The following ZNF444 variants were observed in gnomAD, a reference collection of about 807,000 sequenced individuals.
ZNF444 encodes the protein endothelial zinc finger protein 2.
ZNF444 carries 8 observed loss-of-function variants against 14.4 expected under a neutral mutation model. That is an observed-to-expected ratio of 0.56 (90% CI 0.33 to 1.00). ZNF444 has a LOEUF of 1.00. ZNF444 is among the 50% of genes least tolerant of loss of function. ZNF444 has a pLI of 0.03. For synonymous variants in ZNF444, 258 were observed against 235.9 expected (o/e 1.09, Z -0.86); for missense variants, 510 against 504.8 (o/e 1.01, Z -0.10).
Position 56,147,576 on chromosome 19 carries a change from C to G in ZNF444, c.297+368C>G, listed in dbSNP as rs1352639058. On this transcript the variant is annotated intron_variant, in intron 3 of 4. Coordinates refer to ENST00000337080, the MANE Select transcript of ZNF444 (RefSeq NM_018337.4). The surrounding 1 kb of genome is among the most constrained non-coding windows in gnomAD (Gnocchi z 5.9). ...CCTCTCCCCGCACCCCGCCCGCACG[C>G]AGGGGGTCTTGCCGGCCAGGAATTC... Among the ~76,000 whole-genome samples the G allele has an allele frequency of 6.6e-6, 1 of 152,168 alleles. No individual in the cohort carries two copies. The highest frequency in any genetic ancestry group is 2.4e-5 in the African/African-American group (1 of 41,444).
rs1057414054 is a variant in ZNF444 at position 56,147,473 on chromosome 19, G to A, written c.297+265G>A. 1.3e-5 allele frequency among the ~76,000 whole-genome samples: 2 copies of A among 152,130 alleles called. No homozygotes were observed. The highest frequency in any genetic ancestry group is 2.9e-5 in the Non-Finnish European group (2 of 68,024). Reference sequence around the variant, plus strand: ...GACTCACAGCCGTGTTCACGGTCACGGCTTATCAGAGAAGGACGTGCTGGA... The same window carrying A: ...GACTCACAGCCGTGTTCACGGTCACAGCTTATCAGAGAAGGACGTGCTGGA... On this transcript the variant is annotated intron_variant, in intron 3 of 4. Coordinates refer to ENST00000337080, the MANE Select transcript of ZNF444 (RefSeq NM_018337.4). This position sits in a 1 kb window ranked among gnomAD's most constrained non-coding sequence, Gnocchi z 5.9.
intron 2 of ZNF444, 61 bp from the exon 3 acceptor site, chr19:56,146,827 TGA>T (rs1287976785): frequency 6.3e-5 from 76 of 1,207,902 alleles, no homozygotes; most frequent in Non-Finnish European, 7.5e-5. Context: ...GGTCCCATTG[TGA>T]GTCTGGGCAC....
upstream of ZNF444, among the ~76,000 whole-genome samples, chr19:56,136,704 A>G (rs1304865102): frequency 6.6e-6 from 1 of 152,158 alleles, no homozygotes; most frequent in South Asian, 2.1e-4. Context: ...CATCCCCTGG[A>G]GGCCTTGTTG....
chr19:56,157,231 G>A (rs555971455), intron 3 of ZNF444: 1 of 152,470 alleles, frequency 6.6e-6, no homozygotes, highest in African/African-American at 2.4e-5. Context: ...CAGGTTGCGA[G>A]GCACCTAGGA....
chr19:56,149,815 C>A (rs559751881), intron 3 of ZNF444: 12 of 152,556 alleles, frequency 7.9e-5, no homozygotes, highest in African/African-American at 2.9e-4. Flanking sequence ...GACATGAACT[C>A]ATTCTTTTTC....
upstream of ZNF444, among the ~76,000 whole-genome samples, chr19:56,139,404 T>G (rs1421081246): frequency 1.3e-5 from 2 of 152,002 alleles, no homozygotes; most frequent in Non-Finnish European, 2.9e-5. Context: ...AAAAGAGGAA[T>G]TGGCTGGGCA....
Position 56,160,470 on chromosome 19 carries a change from T to G in ZNF444, c.*269T>G. 1 of 405,084 alleles carries G rather than the reference T, an allele frequency of 2.5e-6. No individual in the cohort carries two copies. Among genetic ancestry groups the G allele is most frequent in the Non-Finnish European group, 4.4e-6 (1 of 227,682 alleles). 25.1% of individuals were successfully genotyped at this position (405,084 alleles called of 1,614,324 possible). On this transcript the variant is annotated 3_prime_UTR_variant, in exon 5 of 5. Transcript: ENST00000337080. Reference sequence around the variant, plus strand: ...CTCTCTGTGTGAAGGGGCCTCTCCCTAATGTCTCCTCCTTCCCCCCTCTTC... The same window carrying G: ...CTCTCTGTGTGAAGGGGCCTCTCCCGAATGTCTCCTCCTTCCCCCCTCTTC...
Position 56,141,297 on chromosome 19 carries a change from A to G in ZNF444, c.-257A>G, listed in dbSNP as rs1188142496. On this transcript the variant is annotated 5_prime_UTR_variant, in exon 1 of 5. Coordinates refer to ENST00000337080, the MANE Select transcript of ZNF444 (RefSeq NM_018337.4). Reference sequence around the variant, plus strand: ...CCTGCTGGGGCATGGAGTCCCGGCGAGCTTTGTGCGCATGTGCGGGGAGGT... The same window carrying G: ...CCTGCTGGGGCATGGAGTCCCGGCGGGCTTTGTGCGCATGTGCGGGGAGGT... 2.0e-5 allele frequency: 1 copy of G among 50,196 alleles called. No homozygotes were observed. The highest frequency in any genetic ancestry group is 8.8e-5 in the African/African-American group (1 of 11,420). 3.1% of individuals were successfully genotyped at this position (50,196 alleles called of 1,614,324 possible).
Position 56,160,777 on chromosome 19 carries a change from GC to G in ZNF444, c.*581del. 1 of 153,540 alleles carries G rather than the reference GC, an allele frequency of 6.5e-6. No individual in the cohort carries two copies. Among genetic ancestry groups the G allele is most frequent in the Non-Finnish European group, 1.5e-5 (1 of 68,802 alleles). The allele number at this position is 153,540 out of a possible 1,614,324, so 9.5% of individuals were successfully genotyped here. A position where few individuals can be genotyped will look rare whatever the true frequency, so the allele number is the denominator to read the frequency against. On this transcript the variant is annotated 3_prime_UTR_variant, in exon 5 of 5. Transcript: ENST00000337080. The stretch of plus-strand genomic sequence containing the variant: ...TGGCTGTGGTCTTCTTGGTCTTGCT[GC>G]CCCCTGTGACCCAAAGGCATGGGAT...
At chr19:56,141,766 G>C (rs1251477288) in intron 1 of ZNF444, 1 of 151,860 alleles carries the variant, frequency 6.6e-6, no homozygotes, top group Non-Finnish European at 1.5e-5. Flanking sequence ...AGGAGTCTGG[G>C]GGCGCCGGGA....
Position 56,148,461 on chromosome 19 carries a change from G to A in ZNF444, c.297+1253G>A, listed in dbSNP as rs566743215. Among the ~76,000 whole-genome samples the A allele has an allele frequency of 1.1e-4, 16 of 152,194 alleles. No homozygotes were observed. The South Asian group carries it at 1.9e-3, about 18-fold the overall frequency. The stretch of plus-strand genomic sequence containing the variant: ...AGGGGGCATCTCGGTGAGGCAAAGC[G>A]AGCAAAGCCTTCAGTCCATGGCAGC... On this transcript the variant is annotated intron_variant, in intron 3 of 4. Transcript: ENST00000337080.
At chr19:56,155,967 G>A (rs899747141) in intron 3 of ZNF444, 9 of 152,304 alleles carry the variant, frequency 5.9e-5, no homozygotes, top group Admixed American at 3.3e-4. Flanking sequence ...CCAGTCACAA[G>A]CCCCAGGTTA....
intron 3 of ZNF444, chr19:56,155,357 T>TG (rs2031843276): frequency 6.6e-6 from 1 of 152,344 alleles, no homozygotes; most frequent in Non-Finnish European, 1.5e-5. Context: ...CGGTCTCTGT[T>TG]GGGGTTGTGT....
chr19:56,160,300 TC>T lies in ZNF444; in HGVS notation c.*102del. On this transcript the variant is annotated 3_prime_UTR_variant, in exon 5 of 5. Transcript: ENST00000337080. ...TTGGCCTCTTCCTCTCCTCCTTCCC[TC>T]CCATCGTCCTCCTCCACCTGCGCCT... 1 of 966,330 alleles carries T rather than the reference TC, an allele frequency of 1.0e-6. No individual in the cohort carries two copies. Among genetic ancestry groups the T allele is most frequent in the Non-Finnish European group, 1.4e-6 (1 of 705,352 alleles). The allele number at this position is 966,330 out of a possible 1,614,324, so 59.9% of individuals were successfully genotyped here.
rs891008808 is a variant in ZNF444, at chr19:56,144,018, A to G, written c.-196-2229A>G. On this transcript the variant is annotated intron_variant, in intron 1 of 4. Transcript: ENST00000337080. This position sits in a 1 kb window ranked among gnomAD's most constrained non-coding sequence, Gnocchi z 4.0. ...TGGCCTTCGGTCCAAGAAGATAGAA[A>G]GTGAGCCAGACCGGGCACAGTGGCT... Among the ~76,000 whole-genome samples, 3 of 152,170 alleles carry G rather than the reference A, an allele frequency of 2.0e-5. No homozygotes were observed. The highest frequency in any genetic ancestry group is 6.5e-5 in the Admixed American group (1 of 15,274).
At chr19:56,158,655 G>A (rs1351927655) in intron 4 of ZNF444, 53 bp downstream of exon 4, 8 of 1,460,442 alleles carry the variant, frequency 5.5e-6, no homozygotes, top group Non-Finnish European at 7.5e-6. Context: ...ACCGGGGAGG[G>A]GGTTCAGTGA....
At chr19:56,156,896 T>C (rs926725296) in intron 3 of ZNF444, 4 of 152,290 alleles carry the variant, frequency 2.6e-5, no homozygotes, top group Non-Finnish European at 5.9e-5. Flanking sequence ...GCGTCCCCTG[T>C]CTCTGGGGCC....
chr19:56,158,974 C>T (rs2032083110), intron 4 of ZNF444, among the ~76,000 whole-genome samples: 1 of 151,846 alleles, frequency 6.6e-6, no homozygotes, highest in African/African-American at 2.4e-5. Flanking sequence ...CATCATCACC[C>T]ATCTATCCAT....
upstream of ZNF444, chr19:56,140,930 A>C (rs1015737737): frequency 3.9e-5 from 6 of 152,170 alleles, no homozygotes; most frequent in African/African-American, 1.4e-4. Context: ...GCCCGCGCGC[A>C]GACCACTGGG....
Sources: gnomAD v4.1 joint callset for allele counts (sites outside exome capture counted in the v4.1 genomes callset) on GRCh38, gnomAD v4.1.1 for gene constraint, Gnocchi (gnomAD v3.1) non-coding constraint, MANE v1.5 for transcripts, NCBI Gene and HGNC (gene_info 2026-07-23, HGNC 2026-07-21) for gene names.